The following SLC24A3 variants were observed in gnomAD, a reference collection of about 807,000 sequenced individuals.
SLC24A3 encodes sodium/potassium/calcium exchanger 3.
Under a neutral mutation model 75.8 loss-of-function variants are expected in SLC24A3, and 28 were observed. That is an observed-to-expected ratio of 0.37 (90% CI 0.27 to 0.51). The LOEUF is 0.51. SLC24A3 is among the 20% of genes least tolerant of loss of function. SLC24A3 has a pLI of 0.94. For synonymous variants in SLC24A3, 372 were observed against 334.1 expected (o/e 1.11, Z -1.24); for missense variants, 663 against 847.8 (o/e 0.78, Z 2.71).
At chr20:19,501,262 T>G (rs555745906) in intron 2 of SLC24A3, among the ~76,000 whole-genome samples, 2 of 152,302 alleles carry the variant, frequency 1.3e-5, no homozygotes, top group Non-Finnish European at 2.9e-5. Context: ...TATTTATCAT[T>G]TTCATCTTAA....
chr20:19,608,270 GTGA>G, intron 6 of SLC24A3, among the ~76,000 whole-genome samples: 4 of 152,282 alleles, frequency 2.6e-5, no homozygotes, highest in Admixed American at 2.6e-4. Context: ...GCTTTCTTTG[GTGA>G]TGATGATATG....
intron 2 of SLC24A3, among the ~76,000 whole-genome samples, chr20:19,470,341 G>A (rs1987848685): frequency 6.6e-6 from 1 of 152,204 alleles, no homozygotes; most frequent in Non-Finnish European, 1.5e-5. Flanking sequence ...TGTTATCTCA[G>A]CAACTCCAGG....
intron 1 of SLC24A3, among the ~76,000 whole-genome samples, chr20:19,252,132 C>G (rs1302562341): frequency 6.6e-6 from 1 of 152,080 alleles, no homozygotes; most frequent in East Asian, 1.9e-4. Context: ...TTGTGTGTAG[C>G]TCTTAGTAAA....
intron 1 of SLC24A3, among the ~76,000 whole-genome samples, chr20:19,239,640 A>G (rs985872611): frequency 1.3e-5 from 2 of 152,192 alleles, no homozygotes; most frequent in Admixed American, 1.3e-4. Context: ...CATCAATTGC[A>G]TGTCTGCAGG....
chr20:19,411,483 T>C (rs1399193501), intron 2 of SLC24A3, among the ~76,000 whole-genome samples: 1 of 152,224 alleles, frequency 6.6e-6, no homozygotes, highest in Non-Finnish European at 1.5e-5. Context: ...TTGATGTTTC[T>C]TCCTCCCAAG....
At chr20:19,428,628 G>T (rs147472667) in intron 2 of SLC24A3, among the ~76,000 whole-genome samples, 1 of 152,212 alleles carries the variant, frequency 6.6e-6, no homozygotes, top group Non-Finnish European at 1.5e-5. Context: ...GAGTGGGCAG[G>T]ATATGGCATG....
intron 2 of SLC24A3, among the ~76,000 whole-genome samples, chr20:19,512,770 G>A (rs2029907339): frequency 6.6e-6 from 1 of 152,214 alleles, no homozygotes; most frequent in South Asian, 2.1e-4. Context: ...CTCCTTTCCT[G>A]TGCTCCCTCG....
chr20:19,317,783 C>T (rs1301626820), intron 2 of SLC24A3, among the ~76,000 whole-genome samples: 2 of 152,188 alleles, frequency 1.3e-5, no homozygotes, highest in Non-Finnish European at 1.5e-5. Context: ...GTTTACAGGA[C>T]ACCTCTCTCC....
intron 2 of SLC24A3, among the ~76,000 whole-genome samples, chr20:19,474,634 G>T (rs948201415): frequency 6.6e-6 from 1 of 151,960 alleles, no homozygotes; most frequent in Non-Finnish European, 1.5e-5. Context: ...GTATTTAGGG[G>T]GTGCAACAAG....
intron 6 of SLC24A3, among the ~76,000 whole-genome samples, chr20:19,613,384 G>GCTTATAGTTC (rs2031696495): frequency 6.6e-6 from 1 of 152,128 alleles, no homozygotes. Flanking sequence ...ATCCCCAATG[G>GCTTATAGTTC]CTTATAGTTC....
chr20:19,676,400 A>G (rs1440142040), intron 9 of SLC24A3, among the ~76,000 whole-genome samples: 2 of 152,224 alleles, frequency 1.3e-5, no homozygotes, highest in African/African-American at 4.8e-5. Flanking sequence ...TGGGAATGGA[A>G]GCTACTGTGC....
intron 6 of SLC24A3, among the ~76,000 whole-genome samples, chr20:19,602,998 T>G (rs2031547572): frequency 6.6e-6 from 1 of 152,210 alleles, no homozygotes; most frequent in Non-Finnish European, 1.5e-5. Flanking sequence ...ACGGTGCATG[T>G]GGAGTTAAGT....
chr20:19,213,140 C>G (rs182552582), intron 1 of SLC24A3, 156 bp downstream of exon 1: 5 of 825,108 alleles, frequency 6.1e-6, no homozygotes, highest in Non-Finnish European at 7.9e-6. Flanking sequence ...ACGAGGACTC[C>G]CCCTGCCCCA....
At chr20:19,441,484 T>G (rs1000998411) in intron 2 of SLC24A3, among the ~76,000 whole-genome samples, 2 of 152,172 alleles carry the variant, frequency 1.3e-5, no homozygotes, top group Non-Finnish European at 2.9e-5. Flanking sequence ...GAAATATATT[T>G]AATGTTTATT....
chr20:19,544,940 G>A (rs1260314065), intron 3 of SLC24A3, among the ~76,000 whole-genome samples: 1 of 152,200 alleles, frequency 6.6e-6, no homozygotes, highest in African/African-American at 2.4e-5. Flanking sequence ...AACGAGCAGG[G>A]AAATAGAAGC....
intron 2 of SLC24A3, among the ~76,000 whole-genome samples, chr20:19,413,986 C>T (rs1375232220): frequency 1.3e-5 from 2 of 152,004 alleles, no homozygotes; most frequent in East Asian, 3.9e-4. Flanking sequence ...AACATTAAGA[C>T]CCAAAATAGA....
chr20:19,380,514 T>C (rs938099550), intron 2 of SLC24A3, among the ~76,000 whole-genome samples: 1 of 152,206 alleles, frequency 6.6e-6, no homozygotes, highest in African/African-American at 2.4e-5. Flanking sequence ...GCTGAGCTGC[T>C]GTGGACTGGA....
intron 6 of SLC24A3, among the ~76,000 whole-genome samples, chr20:19,633,741 CTA>C (rs2031966691): frequency 6.6e-6 from 1 of 151,358 alleles, no homozygotes; most frequent in Admixed American, 6.6e-5. Context: ...TTTAAAGACT[CTA>C]TCTCCAAATA....
chr20:19,447,699 G>T (rs1480785596), intron 2 of SLC24A3, among the ~76,000 whole-genome samples: 2 of 152,174 alleles, frequency 1.3e-5, no homozygotes, highest in Non-Finnish European at 2.9e-5. Flanking sequence ...TCTTGATGGG[G>T]TGCGATGATG....
Sources: gnomAD v4.1 joint callset for allele counts (sites outside exome capture counted in the v4.1 genomes callset) on GRCh38, gnomAD v4.1.1 for gene constraint, MANE v1.5 for transcripts, NCBI Gene and HGNC (gene_info 2026-07-23, HGNC 2026-07-21) for gene names.